MALRD1: variants seen among roughly 807,000 people sequenced by gnomAD.
MALRD1 encodes the protein MAM and LDL receptor class A domain containing 1.
Under a neutral mutation model 242.1 loss-of-function variants are expected in MALRD1, and 247 were observed. That is an observed-to-expected ratio of 1.02 (90% confidence interval 0.92 to 1.13). The LOEUF (loss-of-function observed/expected upper bound fraction) is 1.13. Ranked by LOEUF, MALRD1 falls within the 50% of genes most tolerant of loss-of-function variation. MALRD1 has a pLI of 0.00. For synonymous variants in MALRD1, 995 were observed against 866.6 expected, an observed-to-expected ratio of 1.15 and a Z score of -2.60; for missense variants, 2,989 against 2,533.1, an observed-to-expected ratio of 1.18 and a Z score of -3.86.
intron 38 of MALRD1, among the ~76,000 whole-genome samples, chr10:19,693,261 A>G (rs1290941427): frequency 2.0e-5 from 3 of 151,938 alleles, no homozygotes; most frequent in Non-Finnish European, 4.4e-5. Flanking sequence ...AGGGTATTCA[A>G]TTAGGAAAAG....
chr10:19,714,844 C>T (rs1834309334), intron 38 of MALRD1, among the ~76,000 whole-genome samples: 1 of 152,146 alleles, frequency 6.6e-6, no homozygotes, highest in African/African-American at 2.4e-5. Flanking sequence ...GGTGGGGACA[C>T]AGCTTGTGAC....
At chr10:19,303,058 C>G (rs1009537865) in intron 21 of MALRD1, among the ~76,000 whole-genome samples, 12 of 151,194 alleles carry the variant, frequency 7.9e-5, no homozygotes, top group African/African-American at 2.7e-4. Flanking sequence ...TATGTTTGGG[C>G]TAAATACGCA....
At chr10:19,480,139 T>A (rs7084641) in intron 29 of MALRD1, among the ~76,000 whole-genome samples, 3,619 of 152,250 alleles carry the variant, frequency 0.024, 165 homozygotes, top group African/African-American at 0.083. Flanking sequence ...GGACCACACA[T>A]GGATGCTTAT....
At chr10:19,368,560 C>A (rs1246488232) in intron 26 of MALRD1, among the ~76,000 whole-genome samples, 4 of 151,950 alleles carry the variant, frequency 2.6e-5, no homozygotes, top group African/African-American at 9.7e-5. Flanking sequence ...GTGATGCCTG[C>A]AGCTTTGTTC....
intron 30 of MALRD1, among the ~76,000 whole-genome samples, chr10:19,493,561 G>A (rs1312706827): frequency 6.6e-6 from 1 of 151,440 alleles, no homozygotes; most frequent in Non-Finnish European, 1.5e-5. Flanking sequence ...TGTAGTCCCA[G>A]CACTTTGGGA....
intron 2 of MALRD1, among the ~76,000 whole-genome samples, chr10:19,077,006 G>C (rs1222456865): frequency 6.6e-6 from 1 of 151,690 alleles, no homozygotes; most frequent in African/African-American, 2.4e-5. Flanking sequence ...TACAAATCTT[G>C]ATTTTTACTC....
chr10:19,712,147 A>G (rs1834153786), intron 38 of MALRD1, among the ~76,000 whole-genome samples: 2 of 152,296 alleles, frequency 1.3e-5, no homozygotes, highest in South Asian at 4.1e-4. Flanking sequence ...CATCAGCTCT[A>G]TGGAACACTT....
At chr10:19,719,199 T>TATATATACACAC (rs1834585609) in intron 38 of MALRD1, among the ~76,000 whole-genome samples, 2 of 31,684 alleles carry the variant, frequency 6.3e-5, no homozygotes, top group African/African-American at 2.7e-4. Context: ...TACATACATA[T>TATATATACACAC]ATATATATAT....
intron 36 of MALRD1, among the ~76,000 whole-genome samples, chr10:19,659,615 A>G (rs1343527874): frequency 2.6e-5 from 4 of 152,186 alleles, no homozygotes; most frequent in Non-Finnish European, 5.9e-5. Flanking sequence ...TTCTGCTTAG[A>G]ATAACGCATT....
intron 18 of MALRD1, among the ~76,000 whole-genome samples, chr10:19,254,199 A>T (rs1839411992): frequency 6.6e-6 from 1 of 152,028 alleles, no homozygotes; most frequent in African/African-American, 2.4e-5. Context: ...AATGGCATAA[A>T]AGGAGCTGAT....
chr10:19,187,574 T>C (rs1835794732), intron 14 of MALRD1, among the ~76,000 whole-genome samples: 1 of 152,054 alleles, frequency 6.6e-6, no homozygotes, highest in Non-Finnish European at 1.5e-5. Context: ...AGAACAATTA[T>C]AGGATAATAA....
At chr10:19,540,168 T>C (rs1252342302) in intron 32 of MALRD1, among the ~76,000 whole-genome samples, 1 of 152,160 alleles carries the variant, frequency 6.6e-6, no homozygotes, top group African/African-American at 2.4e-5. Context: ...ACAGTTGTCC[T>C]GTTAGAATAG....
chr10:19,687,122 C>G lies in MALRD1; in HGVS notation c.6138-5160C>G, dbSNP rs148064571. ...GATGGCCAAAGTAATTACATCGTATCTAACATTTTTTTTCTTCTTGACGTT... is the reference window on the plus strand; with the variant it reads ...GATGGCCAAAGTAATTACATCGTATGTAACATTTTTTTTCTTCTTGACGTT... On this transcript the variant is annotated intron_variant, in intron 36 of 39. Transcript: ENST00000454679. Among the ~76,000 whole-genome samples, 766 of 152,056 alleles carry G rather than the reference C, an allele frequency of 5.0e-3. 10 individuals are homozygous for G. The highest frequency in any genetic ancestry group is 0.018 in the African/African-American group (730 of 41,470).
chr10:19,350,957 A>G (rs1844347663), intron 25 of MALRD1, among the ~76,000 whole-genome samples: 1 of 152,182 alleles, frequency 6.6e-6, no homozygotes, highest in African/African-American at 2.4e-5. Context: ...CACAGAGCTC[A>G]TGTTGGGAAA....
rs1385234331 is a variant in MALRD1, at chr10:19,093,947, G to C, written c.597+5762G>C. On this transcript the variant is annotated intron_variant, in intron 4 of 39. Transcript: ENST00000454679. ...ACCCACTTGAGGAGGCAGTCTGCCCGTTCTCAGATCTCCAGCTGTGTGCTG... is the reference window on the plus strand; with the variant it reads ...ACCCACTTGAGGAGGCAGTCTGCCCCTTCTCAGATCTCCAGCTGTGTGCTG... Among the ~76,000 whole-genome samples the C allele has an allele frequency of 7.2e-5, 7 of 97,042 alleles. 2 individuals carry two copies. Among genetic ancestry groups the C allele is most frequent in the African/African-American group, 8.6e-5 (2 of 23,164 alleles). The allele number at this position is 97,042 out of a possible 152,430, so 63.7% of individuals were successfully genotyped here. A position where few individuals can be genotyped will look rare whatever the true frequency, so the allele number is the denominator to read the frequency against.
chr10:19,244,795 T>C, intron 18 of MALRD1, among the ~76,000 whole-genome samples: 1 of 152,152 alleles, frequency 6.6e-6, no homozygotes. Flanking sequence ...AGAGATCAAT[T>C]GCCAGACCAA....
chr10:19,270,271 C>T (rs1215313233), intron 19 of MALRD1, among the ~76,000 whole-genome samples: 1 of 151,642 alleles, frequency 6.6e-6, no homozygotes, highest in African/African-American at 2.4e-5. Flanking sequence ...TTTGAGATCG[C>T]GCCACTGCAC....
intron 32 of MALRD1, among the ~76,000 whole-genome samples, chr10:19,550,050 G>T (rs1835412160): frequency 6.6e-6 from 1 of 151,948 alleles, no homozygotes; most frequent in Non-Finnish European, 1.5e-5. Context: ...CATTTAATTT[G>T]CTTTGAGGTG....
intron 36 of MALRD1, among the ~76,000 whole-genome samples, chr10:19,674,149 G>A (rs937477059): frequency 1.1e-4 from 16 of 152,184 alleles, no homozygotes; most frequent in Admixed American, 6.5e-4. Flanking sequence ...ATCTGTCACC[G>A]GAAAGAGCAA....
Sources: gnomAD v4.1 joint callset for allele counts (sites outside exome capture counted in the v4.1 genomes callset) on GRCh38, gnomAD v4.1.1 for gene constraint, MANE v1.5 for transcripts, NCBI Gene and HGNC (gene_info 2026-07-23, HGNC 2026-07-21) for gene names.